Variants in EEIG1 observed in about 807,000 individuals in gnomAD.
EEIG1 encodes the protein early estrogen-induced gene 1 protein.
the EEIG1 span, among the ~76,000 whole-genome samples, chr9:127,949,101 G>A: frequency 1.3e-5 from 2 of 152,030 alleles, no homozygotes; most frequent in South Asian, 4.1e-4. Context: ...AGATCACGAG[G>A]TCAGGGGCTC....
At chr9:127,956,857 G>C in the EEIG1 span, among the ~76,000 whole-genome samples, 1 of 152,170 alleles carries the variant, frequency 6.6e-6, no homozygotes, top group Non-Finnish European at 1.5e-5. Flanking sequence ...TGGGATTACA[G>C]GCATGTACCA....
At chr9:127,963,608 G>C in the EEIG1 span, 2 of 152,272 alleles carry the variant, frequency 1.3e-5, no homozygotes, top group Non-Finnish European at 2.9e-5. Context: ...GGTGTCCTTG[G>C]CCCAGCAGAA....
the EEIG1 span, chr9:127,980,149 C>G: frequency 6.2e-7 from 1 of 1,610,320 alleles, no homozygotes; most frequent in South Asian, 1.1e-5. Flanking sequence ...AGCGAGTTCC[C>G]TGAGTCTGAA....
At chr9:127,948,087 G>C in the EEIG1 span, 1 of 1,611,876 alleles carries the variant, frequency 6.2e-7, no homozygotes. Flanking sequence ...TGAGAATAGT[G>C]GGCCGAGCCT....
chr9:127,944,940 A>C, the EEIG1 span: 2 of 1,595,352 alleles, frequency 1.3e-6, no homozygotes, highest in Non-Finnish European at 1.7e-6. Context: ...CGGTCAGGGC[A>C]GTAACAGGTA....
the EEIG1 span, among the ~76,000 whole-genome samples, chr9:127,959,568 G>A: frequency 4.6e-3 from 694 of 152,302 alleles, 3 homozygotes; most frequent in African/African-American, 0.015. Flanking sequence ...GGGCCTGGGG[G>A]GAGGTGATTG....
chr9:127,964,437 T>C, the EEIG1 span, among the ~76,000 whole-genome samples: 1 of 152,184 alleles, frequency 6.6e-6, no homozygotes. Flanking sequence ...CCAGGTGCCG[T>C]AGGGCTGTGG....
the EEIG1 span, chr9:127,944,412 C>A: frequency 5.0e-6 from 3 of 604,782 alleles, no homozygotes; most frequent in Non-Finnish European, 8.9e-6. Flanking sequence ...TCCGTGCCCT[C>A]ACTGCCCCAG....
At chr9:127,980,715 G>A in the EEIG1 span, among the ~76,000 whole-genome samples, 1 of 150,064 alleles carries the variant, frequency 6.7e-6, no homozygotes, top group Non-Finnish European at 1.5e-5. Context: ...CAGGAGCTCG[G>A]GGGCCTCTCC....
the EEIG1 span, among the ~76,000 whole-genome samples, chr9:127,974,254 C>T: frequency 1.3e-5 from 2 of 152,180 alleles, no homozygotes; most frequent in Non-Finnish European, 2.9e-5. Context: ...GGGTGCAGGT[C>T]AGGCCCCTGA....
At chr9:127,955,250 C>T in the EEIG1 span, among the ~76,000 whole-genome samples, 5 of 152,222 alleles carry the variant, frequency 3.3e-5, no homozygotes, top group Non-Finnish European at 4.4e-5. Flanking sequence ...CTGAGCATCG[C>T]CAGGTTTGCT....
At chr9:127,946,625 G>C in the EEIG1 span, among the ~76,000 whole-genome samples, 2 of 152,234 alleles carry the variant, frequency 1.3e-5, no homozygotes, top group Non-Finnish European at 2.9e-5. Flanking sequence ...ACCTGCGCTG[G>C]GGTGGCCTAG....
At chr9:127,965,929 A>C in the EEIG1 span, among the ~76,000 whole-genome samples, 1 of 152,182 alleles carries the variant, frequency 6.6e-6, no homozygotes, top group South Asian at 2.1e-4. Context: ...TCCTGCAAGG[A>C]GGCAGCAAGA....
the EEIG1 span, chr9:127,945,462 G>A: frequency 1.1e-5 from 17 of 1,563,724 alleles, no homozygotes; most frequent in East Asian, 2.4e-5. The surrounding 1 kb of genome is among the most constrained non-coding windows in gnomAD (Gnocchi z 6.5). Flanking sequence ...GGCCCTCCAC[G>A]GTCATGCCAA....
At chr9:127,954,477 C>G in the EEIG1 span, among the ~76,000 whole-genome samples, 7 of 152,190 alleles carry the variant, frequency 4.6e-5, no homozygotes, top group Non-Finnish European at 8.8e-5. Context: ...CTAATAACAA[C>G]AATGACAATA....
At chr9:127,966,535 CAG>C in the EEIG1 span, among the ~76,000 whole-genome samples, 1,913 of 152,278 alleles carry the variant, frequency 0.013, 112 homozygotes, top group East Asian at 0.19. Flanking sequence ...CCTCTGTACC[CAG>C]AGTCAGGTTG....
At chr9:127,959,484 G>A in the EEIG1 span, among the ~76,000 whole-genome samples, 1 of 152,214 alleles carries the variant, frequency 6.6e-6, no homozygotes. Context: ...GCCAGGGATG[G>A]AGGATGATAT....
the EEIG1 span, among the ~76,000 whole-genome samples, chr9:127,962,343 C>T: frequency 6.6e-6 from 1 of 152,166 alleles, no homozygotes; most frequent in Non-Finnish European, 1.5e-5. Flanking sequence ...GCATGGTGCC[C>T]CTTTTTTCCT....
chr9:127,948,448 C>T, the EEIG1 span: 1 of 1,608,006 alleles, frequency 6.2e-7, no homozygotes, highest in Non-Finnish European at 8.5e-7. Context: ...TATGCCCTGA[C>T]CACCCACAGC....
Sources: gnomAD v4.1 joint callset for allele counts (sites outside exome capture counted in the v4.1 genomes callset) on GRCh38, gnomAD v4.1.1 for gene constraint, Gnocchi (gnomAD v3.1) non-coding constraint, MANE v1.5 for transcripts, NCBI Gene and HGNC (gene_info 2026-07-23, HGNC 2026-07-21) for gene names.